Variants in MCUB observed in about 807,000 individuals in gnomAD.
MCUB encodes calcium uniporter regulatory subunit MCUb, mitochondrial.
In MCUB, 46 loss-of-function variants were observed where a neutral mutation model predicts 41.4. The ratio of observed to expected loss-of-function variants is 1.11; its 90% CI spans 0.88 to 1.42. MCUB has a LOEUF of 1.42. MCUB is among the 40% of genes most tolerant of loss of function. MCUB has a pLI of 0.00. For synonymous variants in MCUB, 148 were observed against 148.2 expected (o/e 1.00, Z 0.01); for missense variants, 403 against 404.9 (o/e 1.00, Z 0.04).
chr4:109,587,180 C>T (rs1386033204), intron 1 of MCUB, among the ~76,000 whole-genome samples: 1 of 152,244 alleles, frequency 6.6e-6, no homozygotes, highest in Non-Finnish European at 1.5e-5. Flanking sequence ...TGCCCCTCCC[C>T]CTGCCAGGCT....
intron 1 of MCUB, among the ~76,000 whole-genome samples, chr4:109,602,576 T>A (rs1342747911): frequency 1.3e-5 from 2 of 152,228 alleles, no homozygotes; most frequent in Admixed American, 6.5e-5. Context: ...TGTGTCTTTT[T>A]ATGCCAGTAC....
chr4:109,607,914 T>A (rs1727916545), intron 1 of MCUB, among the ~76,000 whole-genome samples: 1 of 152,196 alleles, frequency 6.6e-6, no homozygotes. Flanking sequence ...TTTCTTGTAT[T>A]TGAATATTGT....
chr4:109,605,152 C>CT (rs1433313427), intron 1 of MCUB, among the ~76,000 whole-genome samples: 1 of 150,944 alleles, frequency 6.6e-6, no homozygotes, highest in African/African-American at 2.4e-5. Context: ...GGGTCTTGGG[C>CT]TTTTTTTTTC....
At chr4:109,625,713 T>C (rs939967927) in intron 1 of MCUB, among the ~76,000 whole-genome samples, 1 of 152,230 alleles carries the variant, frequency 6.6e-6, no homozygotes, top group African/African-American at 2.4e-5. Context: ...GTATCTTGTT[T>C]ACTAGTAGAT....
At chr4:109,653,879 A>G (rs1174406649) in intron 1 of MCUB, among the ~76,000 whole-genome samples, 1 of 152,016 alleles carries the variant, frequency 6.6e-6, no homozygotes, top group Middle Eastern at 3.2e-3. Flanking sequence ...CCAGCCTAAG[A>G]TGGGCTTTTT....
At chr4:109,622,834 A>T (rs1229374474) in intron 1 of MCUB, among the ~76,000 whole-genome samples, 1 of 152,218 alleles carries the variant, frequency 6.6e-6, no homozygotes, top group Non-Finnish European at 1.5e-5. Context: ...AGCAATATGC[A>T]GTACAATACT....
chr4:109,597,914 ACGGGGTCGCGGCCGGG>A (rs1727615509), intron 1 of MCUB, among the ~76,000 whole-genome samples: 1 of 148,674 alleles, frequency 6.7e-6, no homozygotes, highest in Non-Finnish European at 1.5e-5. Flanking sequence ...CACCTCCCAG[ACGGGGTCGCGGCCGGG>A]CAGAGGCGCT....
intron 1 of MCUB, among the ~76,000 whole-genome samples, chr4:109,633,275 A>G (rs1030584484): frequency 6.7e-6 from 1 of 150,200 alleles, no homozygotes; most frequent in Non-Finnish European, 1.5e-5. Flanking sequence ...AATTATTATT[A>G]TTTTTTTTTT....
rs536317055 is a variant in MCUB, at chr4:109,670,879, C to T, written c.451+6485C>T. Among the ~76,000 whole-genome samples the T allele has an allele frequency of 1.1e-4, 17 of 152,136 alleles. No homozygotes were observed. In the South Asian group the frequency reaches 2.9e-3, roughly 26 times the overall value. On this transcript the variant is annotated intron_variant, in intron 4 of 7. Transcript: ENST00000394650. Reference sequence around the variant, plus strand: ...TGAAACTCACAAAAGTGTGGGAATGCGCCCACCTATGGGACTCCCTGGAAT... The same window carrying T: ...TGAAACTCACAAAAGTGTGGGAATGTGCCCACCTATGGGACTCCCTGGAAT...
chr4:109,582,151 G>C (rs1727192941), intron 1 of MCUB, among the ~76,000 whole-genome samples: 1 of 151,956 alleles, frequency 6.6e-6, no homozygotes, highest in African/African-American at 2.4e-5. Flanking sequence ...TGATAGACCG[G>C]ATTAAGAAAA....
rs183088373 is a variant in MCUB, at chr4:109,582,606, C to T, written c.99+22170C>T. Among the ~76,000 whole-genome samples the T allele has an allele frequency of 3.5e-3, 529 of 150,368 alleles. 6 individuals are homozygous for T. The highest frequency in any genetic ancestry group is 0.014 in the East Asian group (70 of 5,160). ...ATTTGTCAATTCTTGGCTTTTGTTG[C>T]CATTGCTTTTGGTGTTTTAGTCATG... On this transcript the variant is annotated intron_variant, in intron 1 of 7. Coordinates refer to ENST00000394650, the MANE Select transcript of MCUB (RefSeq NM_017918.5).
At chr4:109,577,980 C>A (rs1727073939) in intron 1 of MCUB, among the ~76,000 whole-genome samples, 1 of 152,124 alleles carries the variant, frequency 6.6e-6, no homozygotes. Context: ...CTAGCCACAT[C>A]AGTTTTATGT....
In MCUB at chr4:109,659,053, T is replaced by A. The variant is rs1004034336; in HGVS notation, c.142T>A (p.Ser48Thr). The A allele has an allele frequency of 1.6e-5, 25 of 1,540,540 alleles. No individual in the cohort carries two copies. The highest frequency in any genetic ancestry group is 2.1e-5 in the Non-Finnish European group (24 of 1,136,828). ...KLCGNVKYYQSHHYSTVVPPD... is the reference protein window; with the variant it reads ...KLCGNVKYYQTHHYSTVVPPD... ...GTGTGGAAATGTGAAATACTACCAGTCACACCATTATAGTACCGTGGTGCC... is the reference window on the plus strand; with the variant it reads ...GTGTGGAAATGTGAAATACTACCAGACACACCATTATAGTACCGTGGTGCC... Residue 48 changes from serine to threonine, a missense_variant, in exon 2 of 8, where the codon TCA becomes ACA. By Grantham distance (58) the Ser-to-Thr change is moderately conservative. Transcript: ENST00000394650.
At chr4:109,662,825 T>C (rs770198708) in intron 3 of MCUB, among the ~76,000 whole-genome samples, 1 of 152,226 alleles carries the variant, frequency 6.6e-6, no homozygotes, top group Admixed American at 6.5e-5. Flanking sequence ...TGATTTTTTT[T>C]TTCTTCTTTT....
At chr4:109,683,662 AT>A (rs1729766691) in intron 5 of MCUB, among the ~76,000 whole-genome samples, 1 of 152,190 alleles carries the variant, frequency 6.6e-6, no homozygotes, top group Non-Finnish European at 1.5e-5. Context: ...TCAGTGTATT[AT>A]AGAAATCTCT....
chr4:109,618,283 A>C (rs1457710613), intron 1 of MCUB, among the ~76,000 whole-genome samples: 2 of 152,230 alleles, frequency 1.3e-5, no homozygotes, highest in African/African-American at 4.8e-5. Context: ...AAATGGTTGA[A>C]TAAATGTTTC....
chr4:109,570,119 A>G (rs917200047), intron 1 of MCUB, among the ~76,000 whole-genome samples: 1 of 152,172 alleles, frequency 6.6e-6, no homozygotes, highest in Admixed American at 6.5e-5. Flanking sequence ...GATTACCTAG[A>G]TGAAAATCAT....
chr4:109,658,469 G>T (rs990665752), intron 1 of MCUB, among the ~76,000 whole-genome samples: 4 of 151,988 alleles, frequency 2.6e-5, no homozygotes, highest in African/African-American at 9.7e-5. Context: ...GGCTAATTTT[G>T]TATTTTTAGT....
intron 1 of MCUB, among the ~76,000 whole-genome samples, chr4:109,644,136 T>A (rs546965244): frequency 6.6e-6 from 1 of 152,306 alleles, no homozygotes; most frequent in South Asian, 2.1e-4. Flanking sequence ...GTTAGAAAAG[T>A]TATAGTTAAA....
Sources: gnomAD v4.1 joint callset for allele counts (sites outside exome capture counted in the v4.1 genomes callset) on GRCh38, gnomAD v4.1.1 for gene constraint, MANE v1.5 for transcripts, NCBI Gene and HGNC (gene_info 2026-07-23, HGNC 2026-07-21) for gene names.